Variants in TMCC1 observed in about 807,000 individuals in gnomAD.
TMCC1 encodes transmembrane and coiled-coil domain family 1, also known as transmembrane and coiled-coil domains protein 1.
In TMCC1, 15 loss-of-function variants were observed where a neutral mutation model predicts 52.4. That is an observed-to-expected ratio of 0.29 (90% CI 0.19 to 0.44). The LOEUF (loss-of-function observed/expected upper bound fraction) is 0.44, where lower values mean the gene tolerates loss of function less well. TMCC1 is among the 20% of genes least tolerant of loss of function. The pLI, the probability that TMCC1 is intolerant of heterozygous loss-of-function variation, is 1.00. For missense variants in TMCC1, 503 were observed against 806.0 expected (o/e 0.62, Z 4.55); for synonymous variants, 279 against 301.9 (o/e 0.92, Z 0.79).
intron 4 of TMCC1, among the ~76,000 whole-genome samples, chr3:129,749,899 T>C (rs1244001895): frequency 6.6e-6 from 1 of 152,194 alleles, no homozygotes; most frequent in Non-Finnish European, 1.5e-5. Flanking sequence ...TCAAATATCC[T>C]GAGTACCTAC....
At chr3:129,689,567 A>G (rs1388648588) in intron 4 of TMCC1, among the ~76,000 whole-genome samples, 2 of 152,196 alleles carry the variant, frequency 1.3e-5, no homozygotes, top group Non-Finnish European at 2.9e-5. Flanking sequence ...GAGCCTTTCT[A>G]TGAGCCTGGA....
At chr3:129,807,479 T>G (rs2057532814) in intron 4 of TMCC1, among the ~76,000 whole-genome samples, 1 of 152,208 alleles carries the variant, frequency 6.6e-6, no homozygotes, top group South Asian at 2.1e-4. Context: ...CTCCTAAGGC[T>G]GCATAGTACT....
chr3:129,821,459 T>C (rs906759797), intron 4 of TMCC1, among the ~76,000 whole-genome samples: 4 of 152,142 alleles, frequency 2.6e-5, no homozygotes, highest in African/African-American at 9.7e-5. Context: ...TATAATGATA[T>C]AAAAACAAAT....
At chr3:129,874,071 A>C (rs2061065430) in intron 2 of TMCC1, among the ~76,000 whole-genome samples, 1 of 152,214 alleles carries the variant, frequency 6.6e-6, no homozygotes, top group African/African-American at 2.4e-5. Flanking sequence ...AAGGAGACAC[A>C]AAAAGAGGTA....
intron 4 of TMCC1, among the ~76,000 whole-genome samples, chr3:129,726,892 A>AAAAAAAAAAAAAAAAAAAAAAAAAC (rs2050143948): frequency 1.4e-5 from 2 of 144,354 alleles, no homozygotes; most frequent in Non-Finnish European, 1.5e-5. Context: ...AAAAAAAAAA[A>AAAAAAAAAAAAAAAAAAAAAAAAAC]AAAAAAGAAC....
chr3:129,745,192 AC>A (rs1290971053), intron 4 of TMCC1, among the ~76,000 whole-genome samples: 1 of 152,258 alleles, frequency 6.6e-6, no homozygotes, highest in African/African-American at 2.4e-5. Flanking sequence ...ATTCAAAAGT[AC>A]AAAAACAAAG....
chr3:129,683,054 C>T lies in TMCC1; in HGVS notation c.577-11790G>A, dbSNP rs529099875. The stretch of plus-strand genomic sequence containing the variant: ...TTCTCTACGTTGGTCAGGCTGGTCT[C>T]GAACTCTGGACCTCAGGTGATCCGC... On this transcript the variant is annotated intron_variant, in intron 4 of 6. Coordinates refer to ENST00000393238, the MANE Select transcript of TMCC1 (RefSeq NM_001017395.5). Among the ~76,000 whole-genome samples, 8 of 152,318 alleles carry T rather than the reference C, an allele frequency of 5.3e-5. No homozygotes were observed. In the South Asian group the frequency reaches 1.4e-3, roughly 28 times the overall value.
intron 1 of TMCC1, among the ~76,000 whole-genome samples, chr3:129,888,354 A>G (rs953159888): frequency 3.7e-4 from 56 of 152,368 alleles, no homozygotes; most frequent in African/African-American, 1.2e-3. Context: ...ATATGTACAC[A>G]TATATCTCCT....
chr3:129,808,036 G>C (rs1422972341), intron 4 of TMCC1, among the ~76,000 whole-genome samples: 1 of 148,764 alleles, frequency 6.7e-6, no homozygotes, highest in Admixed American at 6.9e-5. Flanking sequence ...AGCTGAAACT[G>C]AGAAGAGTAA....
chr3:129,712,439 AG>A (rs763903093), intron 4 of TMCC1, among the ~76,000 whole-genome samples: 5 of 152,156 alleles, frequency 3.3e-5, no homozygotes, highest in Non-Finnish European at 7.3e-5. Context: ...TCTTTCTGAA[AG>A]AAAACATTAT....
intron 1 of TMCC1, among the ~76,000 whole-genome samples, chr3:129,887,076 T>C (rs1202192115): frequency 6.6e-6 from 1 of 152,156 alleles, no homozygotes; most frequent in Non-Finnish European, 1.5e-5. Context: ...GACTGCTTAA[T>C]AGGTATGGGG....
intron 6 of TMCC1, among the ~76,000 whole-genome samples, chr3:129,652,245 G>A (rs572595783): frequency 1.3e-5 from 2 of 152,304 alleles, no homozygotes; most frequent in African/African-American, 4.8e-5. Context: ...GTAAGTGTAT[G>A]CATATATGTG....
chr3:129,850,722 C>T (rs146543611), intron 2 of TMCC1, among the ~76,000 whole-genome samples: 4,855 of 152,184 alleles, frequency 0.032, 239 homozygotes, highest in African/African-American at 0.11. Context: ...CCTTCAGAGC[C>T]GAGAGCCCCG....
intron 4 of TMCC1, among the ~76,000 whole-genome samples, chr3:129,684,025 T>C (rs541519231): frequency 1.3e-5 from 2 of 152,364 alleles, no homozygotes; most frequent in African/African-American, 4.8e-5. Flanking sequence ...GCCTGCTGTA[T>C]ATACTGTCTC....
intron 4 of TMCC1, among the ~76,000 whole-genome samples, chr3:129,798,034 C>T (rs1274593618): frequency 7.1e-6 from 1 of 139,870 alleles, no homozygotes; most frequent in Admixed American, 7.6e-5. Flanking sequence ...TCGCTCTTGT[C>T]CCCCAGGCTG....
At chr3:129,782,814 G>C (rs2055645133) in intron 4 of TMCC1, among the ~76,000 whole-genome samples, 1 of 152,124 alleles carries the variant, frequency 6.6e-6, no homozygotes, top group African/African-American at 2.4e-5. Flanking sequence ...TTTATTTGGA[G>C]ATAGACACAG....
At chr3:129,826,070 C>G (rs896031119) in intron 4 of TMCC1, among the ~76,000 whole-genome samples, 16 of 152,024 alleles carry the variant, frequency 1.1e-4, no homozygotes, top group African/African-American at 3.9e-4. Context: ...GTCTATAATC[C>G]CAGAATCACT....
intron 4 of TMCC1, among the ~76,000 whole-genome samples, chr3:129,780,340 C>T (rs1276203690): frequency 6.6e-6 from 1 of 152,102 alleles, no homozygotes; most frequent in Non-Finnish European, 1.5e-5. Context: ...AGGGTCTCTT[C>T]CTCTACTGAA....
chr3:129,685,276 A>C (rs994727424), intron 4 of TMCC1, among the ~76,000 whole-genome samples: 1 of 152,100 alleles, frequency 6.6e-6, no homozygotes, highest in Non-Finnish European at 1.5e-5. Context: ...GCTACTCAGG[A>C]GGCTAAGTGA....
Sources: gnomAD v4.1 joint callset for allele counts (sites outside exome capture counted in the v4.1 genomes callset) on GRCh38, gnomAD v4.1.1 for gene constraint, MANE v1.5 for transcripts, NCBI Gene and HGNC (gene_info 2026-07-23, HGNC 2026-07-21) for gene names.